PTHLH: variants seen among roughly 807,000 people sequenced by gnomAD.
PTHLH encodes parathyroid hormone-related protein.
A neutral mutation model predicts 18.6 loss-of-function variants in PTHLH; 5 were observed. The ratio of observed to expected loss-of-function variants is 0.27; its 90% CI spans 0.14 to 0.56. The LOEUF (loss-of-function observed/expected upper bound fraction) is 0.56, where lower values mean the gene tolerates loss of function less well. PTHLH is among the 20% of genes least tolerant of loss of function. PTHLH has a pLI of 0.92. For synonymous variants in PTHLH, 90 were observed against 94.0 expected, an observed-to-expected ratio of 0.96 and a Z score of 0.25; for missense variants, 207 against 223.9, an observed-to-expected ratio of 0.92 and a Z score of 0.48.
chr12:27,965,024 C>T (rs992301652), intron 4 of PTHLH, among the ~76,000 whole-genome samples: 1 of 152,212 alleles, frequency 6.6e-6, no homozygotes, highest in African/African-American at 2.4e-5. Context: ...TTCCCTGAAA[C>T]AATGGTGTCT....
At position 27,963,470 on chromosome 12, in the gene PTHLH, C is replaced by T; in HGVS notation, c.402G>A (p.Lys134=). Residue 134 remains lysine (K), a synonymous_variant, in exon 5 of 6, where the codon AAG becomes AAA. Coordinates refer to ENST00000545234, the MANE Select transcript of PTHLH (RefSeq NM_198965.2). The stretch of plus-strand genomic sequence containing the variant: ...TTCGCCGTTTTTTCTTTTCCTGCTC[C>T]TTGCGTTTCCCGGGCTTGCCTTTCT... The part of the protein sequence containing the change: ...KKKKGKPGKR[K]EQEKKKRRTR... The T allele has an allele frequency of 6.2e-7, 1 of 1,614,190 alleles. No individual in the cohort carries two copies. The highest frequency in any genetic ancestry group is 1.3e-5 in the African/African-American group (1 of 75,038).
At chr12:27,963,197 A>G (rs1311645922) in intron 5 of PTHLH, 151 bp downstream of exon 5, 3 of 1,528,070 alleles carry the variant, frequency 2.0e-6, no homozygotes, top group Non-Finnish European at 2.6e-6. Context: ...GGCAGACAAT[A>G]TTCTGAGTTA....
At chr12:27,968,206 T>C (rs2062834261) in intron 4 of PTHLH, among the ~76,000 whole-genome samples, 1 of 152,204 alleles carries the variant, frequency 6.6e-6, no homozygotes, top group Non-Finnish European at 1.5e-5. Flanking sequence ...CCTTAGGAGA[T>C]TCATAATAGA....
intron 5 of PTHLH, among the ~76,000 whole-genome samples, chr12:27,960,086 T>C (rs2062741261): frequency 6.6e-6 from 1 of 152,364 alleles, no homozygotes; most frequent in East Asian, 1.9e-4. Context: ...TTCTCCTTTC[T>C]TTTGATTTCT....
At chr12:27,961,361 C>CTAGATAGA (rs1324714715) in intron 5 of PTHLH, among the ~76,000 whole-genome samples, 3 of 93,938 alleles carry the variant, frequency 3.2e-5, no homozygotes, top group African/African-American at 1.1e-4. Context: ...ACATATCCCC[C>CTAGATAGA]TAGATAGATA....
In PTHLH at chr12:27,969,981, A is replaced by T. The variant is rs756772646; in HGVS notation, c.-23+44T>A. On this transcript the variant is annotated intron_variant, in intron 3 of 5. Transcript: ENST00000545234. ...AACCAGGCCCTTTCGTTCCAGAGCC[A>T]CTTGTAGCGAAACCCACATATATAT... is the stretch of plus-strand genomic sequence containing the variant. 14 of 519,092 alleles carry T rather than the reference A, an allele frequency of 2.7e-5. No individual in the cohort carries two copies. The Middle Eastern group carries it at 9.5e-4, about 35-fold the overall frequency. 32.2% of individuals were successfully genotyped at this position (519,092 alleles called of 1,614,324 possible).
intron 4 of PTHLH, among the ~76,000 whole-genome samples, chr12:27,964,372 G>A (rs2062793491): frequency 6.6e-6 from 1 of 151,998 alleles, no homozygotes. Flanking sequence ...AAGGAGAAGT[G>A]AGCAGTGTAG....
intron 4 of PTHLH, among the ~76,000 whole-genome samples, chr12:27,968,051 T>G (rs1266095428): frequency 6.6e-6 from 1 of 152,246 alleles, no homozygotes. Context: ...TTTCTATTTA[T>G]GTATGAATTT....
chr12:27,968,302 C>A (rs2062835378), intron 4 of PTHLH, among the ~76,000 whole-genome samples: 1 of 152,162 alleles, frequency 6.6e-6, no homozygotes, highest in Non-Finnish European at 1.5e-5. Flanking sequence ...ACCACAAGCA[C>A]GTATAAAACA....
At chr12:27,963,024 A>G in intron 5 of PTHLH, 1 of 1,229,078 alleles carries the variant, frequency 8.1e-7, no homozygotes, top group Non-Finnish European at 1.0e-6. Flanking sequence ...TCTCCAGCAA[A>G]TTATGAAGAT....
At chr12:27,971,675 TG>T (rs905449382) in intron 2 of PTHLH, among the ~76,000 whole-genome samples, 1 of 151,038 alleles carries the variant, frequency 6.6e-6, no homozygotes, top group East Asian at 1.9e-4. Context: ...TTAGGTTGGG[TG>T]GGGGGGCATA....
At chr12:27,961,027 T>C (rs569615436) in intron 5 of PTHLH, among the ~76,000 whole-genome samples, 2 of 152,038 alleles carry the variant, frequency 1.3e-5, no homozygotes, top group South Asian at 2.1e-4. Flanking sequence ...AACAGTTCTT[T>C]CCATGAATGT....
chr12:27,962,235 G>A, intron 5 of PTHLH: 1 of 281,900 alleles, frequency 3.5e-6, no homozygotes, highest in African/African-American at 2.4e-5. Flanking sequence ...TACCCCCCTA[G>A]ATAGATAGAT....
rs1403686641 is a variant in PTHLH, at chr12:27,969,441, G to A, written c.54C>T (p.Tyr18=). 4 of 1,595,578 alleles carry A rather than the reference G, an allele frequency of 2.5e-6. No individual in the cohort carries two copies. Among genetic ancestry groups the A allele is most frequent in the Non-Finnish European group, 3.4e-6 (4 of 1,173,056 alleles). ...CCGAGCGCCCGCAGGAGGGCACCGC[G>A]TAGCTCAGCAGGAACACCGCGACGC... The part of the protein sequence containing the change: ...QWSVAVFLLS[Y]AVPSCGRSVE... Residue 18 remains tyrosine, a synonymous_variant, in exon 4 of 6, where the codon TAC becomes TAT. Coordinates refer to ENST00000545234, the MANE Select transcript of PTHLH (RefSeq NM_198965.2).
intron 5 of PTHLH, among the ~76,000 whole-genome samples, chr12:27,961,333 AC>A: frequency 4.2e-5 from 6 of 142,540 alleles, no homozygotes; most frequent in Non-Finnish European, 7.6e-5. Flanking sequence ...GTATATATAT[AC>A]TTTTTGCCTC....
intron 5 of PTHLH, chr12:27,962,046 A>G (rs2062766454): frequency 7.9e-6 from 5 of 629,632 alleles, no homozygotes; most frequent in Non-Finnish European, 1.1e-5. Context: ...ATGCATCGAT[A>G]AAGAAGCAGG....
chr12:27,964,194 C>G (rs40411), intron 4 of PTHLH, among the ~76,000 whole-genome samples: 77,630 of 151,286 alleles, frequency 0.51, 20,172 homozygotes, highest in East Asian at 0.6. Flanking sequence ...TCTAGAAGTC[C>G]CAGCCTGGGA....
At chr12:27,966,537 G>A (rs1484964853) in intron 4 of PTHLH, among the ~76,000 whole-genome samples, 1 of 152,040 alleles carries the variant, frequency 6.6e-6, no homozygotes, top group Non-Finnish European at 1.5e-5. Context: ...AATTAAGGAC[G>A]TTTTCAATTT....
chr12:27,962,610 T>G, intron 5 of PTHLH: 1 of 985,504 alleles, frequency 1.0e-6, no homozygotes, highest in African/African-American at 1.7e-5. Flanking sequence ...TTATTTTTCC[T>G]ACGGCATTAC....
Sources: allele counts gnomAD v4.1 joint callset (sites outside exome capture counted in the v4.1 genomes callset), GRCh38; gene constraint gnomAD v4.1.1; transcripts MANE v1.5; gene names NCBI Gene and HGNC (gene_info 2026-07-23, HGNC 2026-07-21).